Variants in NR3C2 observed in about 807,000 individuals in gnomAD.
The protein encoded by NR3C2 is mineralocorticoid receptor.
Under a neutral mutation model 86.4 loss-of-function variants are expected in NR3C2, and 15 were observed. The observed-to-expected ratio is 0.17, with a 90% confidence interval of 0.12 to 0.27. The LOEUF (loss-of-function observed/expected upper bound fraction) is 0.27. NR3C2 is among the 10% of genes least tolerant of loss of function. The probability of loss-of-function intolerance (pLI) is 1.00; values close to 1 mark genes in which losing one functional copy is unlikely to be tolerated. For synonymous variants in NR3C2, 458 were observed against 450.5 expected (o/e 1.02, Z -0.21); for missense variants, 960 against 1,195.6 (o/e 0.80, Z 2.91).
chr4:148,186,937 G>A (rs1226773236), intron 4 of NR3C2, among the ~76,000 whole-genome samples: 5 of 141,496 alleles, frequency 3.5e-5, no homozygotes, highest in African/African-American at 1.3e-4. Flanking sequence ...TGCAAATGCT[G>A]TTAATTCATT....
At chr4:148,359,015 T>C (rs1019047770) in intron 2 of NR3C2, among the ~76,000 whole-genome samples, 1 of 152,062 alleles carries the variant, frequency 6.6e-6, no homozygotes, top group Non-Finnish European at 1.5e-5. Context: ...TCAAGCATCG[T>C]TCATTCAGAT....
intron 2 of NR3C2, among the ~76,000 whole-genome samples, chr4:148,267,865 A>G (rs905072615): frequency 1.3e-5 from 2 of 151,992 alleles, no homozygotes; most frequent in East Asian, 1.9e-4. Flanking sequence ...TTTTCAATAC[A>G]CTTAAAACAT....
chr4:148,146,595 A>G (rs887016649), intron 6 of NR3C2: 1 of 152,280 alleles, frequency 6.6e-6, no homozygotes, highest in African/African-American at 2.4e-5. Context: ...ATGGCAACTG[A>G]GTTGTGTACT....
intron 7 of NR3C2, among the ~76,000 whole-genome samples, chr4:148,118,593 C>T (rs1356364614): frequency 1.3e-5 from 2 of 152,194 alleles, no homozygotes; most frequent in East Asian, 3.8e-4. Context: ...CCTGTCTTCA[C>T]AGTCCCAGTC....
intron 3 of NR3C2, among the ~76,000 whole-genome samples, chr4:148,211,038 G>T (rs112628939): frequency 4.6e-5 from 7 of 152,336 alleles, no homozygotes; most frequent in African/African-American, 1.7e-4. Context: ...GGCCTTGCCT[G>T]TGGCCAGGGT....
At chr4:148,340,145 A>C (rs977309540) in intron 2 of NR3C2, among the ~76,000 whole-genome samples, 1 of 152,168 alleles carries the variant, frequency 6.6e-6, no homozygotes, top group African/African-American at 2.4e-5. Flanking sequence ...TTCTTCACAG[A>C]ATTGAAAAAA....
At chr4:148,395,661 C>T (rs772317811) in intron 2 of NR3C2, among the ~76,000 whole-genome samples, 2 of 152,162 alleles carry the variant, frequency 1.3e-5, no homozygotes, top group Middle Eastern at 3.2e-3. Context: ...TTGAACCATA[C>T]TCAATGAAAT....
chr4:148,108,432 C>CTA (rs1261772414), intron 8 of NR3C2, among the ~76,000 whole-genome samples: 1 of 152,100 alleles, frequency 6.6e-6, no homozygotes, highest in African/African-American at 2.4e-5. Context: ...CCCTTTTGAC[C>CTA]TAAAGAATGA....
At position 148,419,540 on chromosome 4, in the gene NR3C2, GGATAAT is replaced by G. The variant is rs915202725; in HGVS notation, c.1757+15558_1757+15563del. ...AAATACTTCTTACGTACTCTTAGGT[GGATAAT>G]GATAATGAGCTGGATAGTCTAGAGC... is the stretch of plus-strand genomic sequence containing the variant. On this transcript the variant is annotated intron_variant, in intron 2 of 8. Transcript: ENST00000358102. Among the ~76,000 whole-genome samples the G allele has an allele frequency of 1.1e-3, 168 of 152,294 alleles. 1 individual carries two copies. Among genetic ancestry groups the G allele is most frequent in the African/African-American group, 3.9e-3 (162 of 41,574 alleles).
At chr4:148,124,071 T>C (rs1261025824) in intron 6 of NR3C2, among the ~76,000 whole-genome samples, 2 of 152,154 alleles carry the variant, frequency 1.3e-5, no homozygotes, top group Non-Finnish European at 2.9e-5. Flanking sequence ...AAACACCATC[T>C]CTACAAAAAT....
At chr4:148,253,951 G>T (rs1739700647) in intron 3 of NR3C2, among the ~76,000 whole-genome samples, 1 of 152,088 alleles carries the variant, frequency 6.6e-6, no homozygotes, top group African/African-American at 2.4e-5. Context: ...CCTCAGAGCT[G>T]CCCCTGCTCC....
At chr4:148,194,327 C>T (rs1318918621) in intron 4 of NR3C2, among the ~76,000 whole-genome samples, 1 of 152,144 alleles carries the variant, frequency 6.6e-6, no homozygotes, top group Non-Finnish European at 1.5e-5. Context: ...AAGCTTTTTT[C>T]ATATATATCT....
intron 6 of NR3C2, among the ~76,000 whole-genome samples, chr4:148,128,651 A>G (rs1207842372): frequency 6.6e-6 from 1 of 152,088 alleles, no homozygotes; most frequent in Non-Finnish European, 1.5e-5. Context: ...AGCAACCTCT[A>G]TTCTGAGGTT....
chr4:148,423,581 A>T (rs1261938750), intron 2 of NR3C2, among the ~76,000 whole-genome samples: 6 of 152,180 alleles, frequency 3.9e-5, no homozygotes, highest in African/African-American at 7.2e-5. Flanking sequence ...AGCTGTATAC[A>T]CTCATGTGAG....
intron 6 of NR3C2, among the ~76,000 whole-genome samples, chr4:148,126,658 G>A (rs1012367621): frequency 2.6e-5 from 4 of 152,140 alleles, no homozygotes. Context: ...AGATTAGAAC[G>A]TTAATGTGTG....
At chr4:148,200,227 C>T (rs1230453410) in intron 3 of NR3C2, among the ~76,000 whole-genome samples, 3 of 152,212 alleles carry the variant, frequency 2.0e-5, no homozygotes. Flanking sequence ...CTGCGGGCTC[C>T]AGTGCCCCTT....
chr4:148,428,462 A>G (rs945552576), intron 2 of NR3C2, among the ~76,000 whole-genome samples: 2 of 152,180 alleles, frequency 1.3e-5, no homozygotes, highest in Non-Finnish European at 2.9e-5. Flanking sequence ...AGCACAATAC[A>G]TAATTCTGAA....
chr4:148,089,645 T>A (rs2149708546), intron 8 of NR3C2, among the ~76,000 whole-genome samples: 1 of 152,288 alleles, frequency 6.6e-6, no homozygotes, highest in African/African-American at 2.4e-5. Context: ...AAATGAGGGA[T>A]GGGAGAACCT....
intron 2 of NR3C2, among the ~76,000 whole-genome samples, chr4:148,331,046 A>C (rs1744207437): frequency 1.3e-5 from 2 of 152,156 alleles, no homozygotes; most frequent in Admixed American, 1.3e-4. Flanking sequence ...TCCTTTATAA[A>C]ATTACCCAGT....
Sources: allele counts gnomAD v4.1 joint callset (sites outside exome capture counted in the v4.1 genomes callset), GRCh38; gene constraint gnomAD v4.1.1; transcripts MANE v1.5; gene names NCBI Gene and HGNC (gene_info 2026-07-23, HGNC 2026-07-21).